Variants in PLIN5 observed in about 807,000 individuals in gnomAD.
PLIN5 encodes perilipin-5.
In PLIN5, 34 loss-of-function variants were observed where a neutral mutation model predicts 32.8. The ratio of observed to expected loss-of-function variants is 1.04; its 90% CI spans 0.79 to 1.38. The LOEUF (loss-of-function observed/expected upper bound fraction) is 1.38. Ranked by LOEUF, PLIN5 falls within the 40% of genes most tolerant of loss-of-function variation. The pLI is 0.00. For missense variants in PLIN5, 712 were observed against 660.5 expected (o/e 1.08, Z -0.85); for synonymous variants, 309 against 292.9 (o/e 1.05, Z -0.56).
chr19:4,529,916 T>C (rs769058461), intron 3 of PLIN5, 50 bp from the exon 4 acceptor site: 2 of 1,241,564 alleles, frequency 1.6e-6, no homozygotes, highest in East Asian at 2.4e-5. Context: ...CAGAGGGAGA[T>C]AGGGACGCAG....
At position 4,534,058 on chromosome 19, in the gene PLIN5, G is replaced by A. The variant is rs10407239; in HGVS notation, c.17C>T (p.Ala6Val). Residue 6 changes from alanine (A) to valine (V), a missense_variant, in exon 2 of 8, where the codon GCG becomes GTG. Transcript: ENST00000381848. Reference sequence around the variant, plus strand: ...CACACTGGATCTGGGGATCTGAGCCGCCTCTTCTTCAGACATCGTGCTGCA... The same window carrying A: ...CACACTGGATCTGGGGATCTGAGCCACCTCTTCTTCAGACATCGTGCTGCA... MSEEE[A>V]AQIPRSSVWE... 5.4e-3 allele frequency: 8,757 copies of A among 1,613,100 alleles called. 416 individuals are homozygous for A. The African/African-American group carries it at 0.1, about 19-fold the overall frequency.
At chr19:4,526,530 A>C (rs1407830727) in intron 5 of PLIN5, among the ~76,000 whole-genome samples, 1 of 152,138 alleles carries the variant, frequency 6.6e-6, no homozygotes, top group Non-Finnish European at 1.5e-5. Flanking sequence ...CTGCTTAACC[A>C]TTCTTTTAAG....
At chr19:4,534,890 G>T (rs191323456) in intron 1 of PLIN5, among the ~76,000 whole-genome samples, 1 of 152,200 alleles carries the variant, frequency 6.6e-6, no homozygotes, top group Non-Finnish European at 1.5e-5. Flanking sequence ...TGGTCCCAAG[G>T]TCACGCAGCC....
rs766725113 is a variant in PLIN5 at position 4,531,810 on chromosome 19, G to A, written c.73C>T (p.Arg25Cys). The A allele has an allele frequency of 1.8e-5, 28 of 1,559,586 alleles. No individual in the cohort carries two copies. The highest frequency in any genetic ancestry group is 2.4e-5 in the Non-Finnish European group (28 of 1,152,386). Residue 25 changes from arginine (R) to cysteine (C), a missense_variant, in exon 3 of 8, where the codon CGT becomes TGT. Arg to Cys is a radical substitution (Grantham distance 180). Coordinates refer to ENST00000381848, the MANE Select transcript of PLIN5 (RefSeq NM_001013706.3). Reference sequence around the variant, plus strand: ...CTGACCAGGGGCAGAGCCACCACACGCTGCACCACGTTCTGCGGGAAGGGT... The same window carrying A: ...CTGACCAGGGGCAGAGCCACCACACACTGCACCACGTTCTGCGGGAAGGGT... ...WEQDQQNVVQ[R>C]VVALPLVRAT...
chr19:4,524,538 A>G (rs967689578), intron 7 of PLIN5, among the ~76,000 whole-genome samples: 7 of 151,998 alleles, frequency 4.6e-5, no homozygotes, highest in African/African-American at 1.7e-4. Flanking sequence ...GGCGACAGAG[A>G]CAGACTCCTT....
intron 4 of PLIN5, 55 bp from the exon 5 acceptor site, chr19:4,529,308 G>A (rs1976848744): frequency 6.6e-7 from 1 of 1,524,196 alleles, no homozygotes; most frequent in East Asian, 2.4e-5. Flanking sequence ...CTCCATTTCT[G>A]CCACCCTAGT....
In PLIN5 at chr19:4,534,960, TCCGGTTGCCACC is replaced by T. The variant is rs910585094; in HGVS notation, c.-22+193_-22+204del. ...CCTCAGACCTGCCGCCTGCGATCCC[TCCGGTTGCCACC>T]CCGCGTCCTCTGAGGCCTGGTCCTC... On this transcript the variant is annotated intron_variant, in intron 1 of 7. Transcript: ENST00000381848. 1.7e-4 allele frequency among the ~76,000 whole-genome samples: 26 copies of T among 152,302 alleles called. 1 individual carries two copies. The highest frequency in any genetic ancestry group is 6.3e-4 in the African/African-American group (26 of 41,570).
chr19:4,525,891 G>GGATACGGGGACAGCACGGGGACAA lies in PLIN5; in HGVS notation c.521-60_521-59insTTGTCCCCGTGCTGTCCCCGTATC. ...AGGATACGGGGACAGCACGGGGACAGGATACGGGGACAGCACGGGGACAGG... is the reference window on the plus strand; with the variant it reads ...AGGATACGGGGACAGCACGGGGACAGGATACGGGGACAGCACGGGGACAAGATACGGGGACAGCACGGGGACAGG... On this transcript the variant is annotated intron_variant, in intron 5 of 7. Coordinates refer to ENST00000381848, the MANE Select transcript of PLIN5 (RefSeq NM_001013706.3). The surrounding 1 kb of genome is among the most constrained non-coding windows in gnomAD (Gnocchi z 5.6). The GGATACGGGGACAGCACGGGGACAA allele has an allele frequency of 5.5e-6, 3 of 542,448 alleles. No homozygotes were observed. Among genetic ancestry groups the GGATACGGGGACAGCACGGGGACAA allele is most frequent in the African/African-American group, 5.8e-5 (2 of 34,434 alleles). 33.6% of individuals were successfully genotyped at this position (542,448 alleles called of 1,614,324 possible).
intron 1 of PLIN5, among the ~76,000 whole-genome samples, chr19:4,534,527 T>C (rs1371615183): frequency 1.3e-5 from 2 of 152,260 alleles, no homozygotes; most frequent in South Asian, 2.1e-4. Flanking sequence ...CGTGCCACCA[T>C]GCTCGGCTAA....
intron 2 of PLIN5, 35 bp from the exon 3 acceptor site, chr19:4,531,857 G>C (rs779760982): frequency 6.7e-7 from 1 of 1,485,602 alleles, no homozygotes; most frequent in Non-Finnish European, 9.0e-7. Flanking sequence ...GGACCCTGGG[G>C]GAAGTGGGGC....
rs538645132 is a variant in PLIN5, at chr19:4,529,606, T to C, written c.339+178A>G. On this transcript the variant is annotated intron_variant, in intron 4 of 7. Transcript: ENST00000381848. ...TATACACTATACGTATATACATATATGTATACACACACACACACACACACA... is the reference window on the plus strand; with the variant it reads ...TATACACTATACGTATATACATATACGTATACACACACACACACACACACA... The C allele has an allele frequency of 4.5e-3, 1,788 of 400,082 alleles. 30 individuals carry two copies. The highest frequency in any genetic ancestry group is 0.042 in the African/African-American group (1,627 of 38,356). 24.8% of individuals were successfully genotyped at this position (400,082 alleles called of 1,614,324 possible).
intron 7 of PLIN5, among the ~76,000 whole-genome samples, chr19:4,524,697 C>T (rs899847655): frequency 6.6e-6 from 1 of 151,984 alleles, no homozygotes; most frequent in African/African-American, 2.4e-5. Flanking sequence ...CCTTTCCCCC[C>T]ACCTCCCTCC....
In PLIN5 at chr19:4,523,708, G is replaced by T. The variant is rs767402731; in HGVS notation, c.1212C>A (p.Asp404Glu). The T allele has an allele frequency of 1.2e-6, 2 of 1,604,386 alleles. No homozygotes were observed. The highest frequency in any genetic ancestry group is 3.3e-5 in the Admixed American group (2 of 59,966). Reference protein sequence around the residue: ...DLVDEVIGGPDPRWAHLDWPA... With the variant: ...DLVDEVIGGPEPRWAHLDWPA... The stretch of plus-strand genomic sequence containing the variant: ...GCCAGTCCAGGTGCGCCCAGCGGGG[G>T]TCAGGGCCCCCGATGACCTCGTCCA... The change falls in exon 8 of 8, where the codon GAC becomes GAA. Residue 404 changes from aspartate to glutamate, a missense_variant. Coordinates refer to ENST00000381848, the MANE Select transcript of PLIN5 (RefSeq NM_001013706.3). This position sits in a 1 kb window ranked among gnomAD's most constrained non-coding sequence, Gnocchi z 5.0.
rs1380495171 is a variant in PLIN5, at chr19:4,525,606, G to A, written c.720+27C>T. The A allele has an allele frequency of 1.2e-6, 2 of 1,609,364 alleles. No individual in the cohort carries two copies. The highest frequency in any genetic ancestry group is 1.7e-6 in the Non-Finnish European group (2 of 1,179,560). On this transcript the variant is annotated intron_variant, in intron 6 of 7. Coordinates refer to ENST00000381848, the MANE Select transcript of PLIN5 (RefSeq NM_001013706.3). This position sits in a 1 kb window ranked among gnomAD's most constrained non-coding sequence, Gnocchi z 5.6. ...TCCATACTGATTGGCCTGCATCCCG[G>A]AGCAGGGGCGGGCAGCGGGCTCTCA...
Position 4,529,180 on chromosome 19 carries a change from C to T in PLIN5, c.413G>A (p.Arg138His), listed in dbSNP as rs762513580. The change falls in exon 5 of 8, where the codon CGC (arginine) becomes CAC (histidine). Residue 138 changes from arginine (R) to histidine (H), a missense_variant. Physicochemically the swap from Arg to His is conservative, Grantham distance 29 (BLOSUM62 0). Coordinates refer to ENST00000381848, the MANE Select transcript of PLIN5 (RefSeq NM_001013706.3). The part of the protein sequence containing the change: ...GVVDLARRGR[R>H]WSVELKRSVS... ...GGAGCGCTTCAGCTCCACGCTCCAG[C>T]GCCGGCCCCTCCGGGCCAGGTCCAC... is the stretch of plus-strand genomic sequence containing the variant. 1.4e-5 allele frequency: 23 copies of T among 1,613,144 alleles called. No individual in the cohort carries two copies. The highest frequency in any genetic ancestry group is 2.2e-5 in the East Asian group (1 of 44,870).
At position 4,529,355 on chromosome 19, in the gene PLIN5, A is replaced by T. The variant is rs111485269; in HGVS notation, c.340-102T>A. 0.013 allele frequency: 16,724 copies of T among 1,315,326 alleles called. 1,204 individuals are homozygous for T. In the African/African-American group the frequency reaches 0.18, roughly 14 times the overall value. The allele number at this position is 1,315,326 out of a possible 1,614,324, so 81.5% of individuals were successfully genotyped here. A position where few individuals can be genotyped will look rare whatever the true frequency, so the allele number is the denominator to read the frequency against. ...GGGACTCAAAGATCCCTGGACTTCT[A>T]CCTGGCTCCGTGCCTCAGTTTCCCC... is the stretch of plus-strand genomic sequence containing the variant. On this transcript the variant is annotated intron_variant, in intron 4 of 7. Transcript: ENST00000381848.
chr19:4,524,960 C>T lies in PLIN5; in HGVS notation c.834+3G>A, dbSNP rs1353985032. 6.5e-7 allele frequency: 1 copy of T among 1,532,360 alleles called. No homozygotes were observed. Among genetic ancestry groups the T allele is most frequent in the Non-Finnish European group, 8.8e-7 (1 of 1,139,760 alleles). 94.9% of individuals were successfully genotyped at this position (1,532,360 alleles called of 1,614,324 possible). On this transcript the variant is annotated splice_donor_region_variant and intron_variant, in intron 7 of 7. Transcript: ENST00000381848. ...ACCTCACCTGGCACTCCTGCGGTCT[C>T]ACCTGGCTCCGGCGGCGGCTCTCCG...
At position 4,525,883 on chromosome 19, in the gene PLIN5, CGGGG is replaced by C; in HGVS notation, c.521-55_521-52del. On this transcript the variant is annotated intron_variant, in intron 5 of 7. Coordinates refer to ENST00000381848, the MANE Select transcript of PLIN5 (RefSeq NM_001013706.3). The surrounding 1 kb of genome is among the most constrained non-coding windows in gnomAD (Gnocchi z 5.6). ...ACGGGGACAGGATACGGGGACAGCA[CGGGG>C]ACAGGATACGGGGACAGCACGGGGA... The C allele has an allele frequency of 2.5e-6, 2 of 785,108 alleles. No homozygotes were observed. Among genetic ancestry groups the C allele is most frequent in the Middle Eastern group, 3.2e-4 (1 of 3,158 alleles). 48.6% of individuals were successfully genotyped at this position (785,108 alleles called of 1,614,324 possible). A position where few individuals can be genotyped will look rare whatever the true frequency, so the allele number is the denominator to read the frequency against.
chr19:4,525,131 G>GAGC lies in PLIN5; in HGVS notation c.721-56_721-55insGCT. On this transcript the variant is annotated intron_variant, in intron 6 of 7. Transcript: ENST00000381848. The surrounding 1 kb of genome is among the most constrained non-coding windows in gnomAD (Gnocchi z 5.6). Reference sequence around the variant, plus strand: ...GCTGGGGGAGCTGGGGGAGCTGGGGGTCGGGGTGGGGTCCAGGACCACTGA... The same window carrying GAGC: ...GCTGGGGGAGCTGGGGGAGCTGGGGGAGCTCGGGGTGGGGTCCAGGACCACTGA... 1 of 934,978 alleles carries GAGC rather than the reference G, an allele frequency of 1.1e-6. No individual in the cohort carries two copies. 57.9% of individuals were successfully genotyped at this position (934,978 alleles called of 1,614,324 possible). A position where few individuals can be genotyped will look rare whatever the true frequency, so the allele number is the denominator to read the frequency against.
Sources: allele counts gnomAD v4.1 joint callset (sites outside exome capture counted in the v4.1 genomes callset), GRCh38; gene constraint gnomAD v4.1.1; non-coding constraint Gnocchi (gnomAD v3.1); transcripts MANE v1.5; gene names NCBI Gene and HGNC (gene_info 2026-07-23, HGNC 2026-07-21).